CRACD: variants seen among roughly 807,000 people sequenced by gnomAD.
The protein encoded by CRACD is capping protein-inhibiting regulator of actin dynamics.
In CRACD, 56 loss-of-function variants were observed where a neutral mutation model predicts 106.8. The observed-to-expected ratio is 0.52, with a 90% CI of 0.42 to 0.66. CRACD has a LOEUF of 0.66. Ranked by LOEUF, CRACD falls within the 30% of genes least tolerant of loss-of-function variation. CRACD has a pLI of 0.00. For synonymous variants in CRACD, 754 were observed against 670.8 expected, an observed-to-expected ratio of 1.12 and a Z score of -1.92; for missense variants, 1,730 against 1,623.2, an observed-to-expected ratio of 1.07 and a Z score of -1.13.
intron 1 of CRACD, among the ~76,000 whole-genome samples, chr4:56,101,297 C>T (rs979144284): frequency 6.6e-6 from 1 of 152,084 alleles, no homozygotes; most frequent in African/African-American, 2.4e-5. Context: ...CAGATACAAA[C>T]AGCCACATTA....
intron 2 of CRACD, among the ~76,000 whole-genome samples, chr4:56,252,517 T>C (rs1271181725): frequency 1.3e-5 from 2 of 152,214 alleles, no homozygotes; most frequent in Non-Finnish European, 2.9e-5. Context: ...AAGGCTATAG[T>C]ATTGACTGTA....
chr4:56,287,460 T>A (rs531749729), intron 3 of CRACD, among the ~76,000 whole-genome samples: 9 of 152,216 alleles, frequency 5.9e-5, no homozygotes, highest in African/African-American at 2.2e-4. Context: ...TTTTTATATT[T>A]TTAGTAGAGG....
chr4:56,148,848 T>C (rs1170171535), intron 1 of CRACD, among the ~76,000 whole-genome samples: 1 of 150,940 alleles, frequency 6.6e-6, no homozygotes, highest in Non-Finnish European at 1.5e-5. Context: ...GGAGTTTCGC[T>C]CTTGTTGCCC....
intron 1 of CRACD, among the ~76,000 whole-genome samples, chr4:56,053,087 A>G (rs530052356): frequency 3.3e-5 from 5 of 152,308 alleles, no homozygotes; most frequent in African/African-American, 9.6e-5. Context: ...TTGAGCATCC[A>G]AAGGTTTAAT....
At chr4:56,060,845 A>G (rs1732245618) in intron 1 of CRACD, among the ~76,000 whole-genome samples, 1 of 152,198 alleles carries the variant, frequency 6.6e-6, no homozygotes, top group Non-Finnish European at 1.5e-5. Context: ...CCATTCAACC[A>G]TGTGGGACAC....
intron 8 of CRACD, among the ~76,000 whole-genome samples, chr4:56,320,155 A>AC (rs994466708): frequency 6.6e-6 from 1 of 151,808 alleles, no homozygotes; most frequent in Non-Finnish European, 1.5e-5. Flanking sequence ...CAAAAAAAAA[A>AC]AACAAACCTT....
Position 56,316,562 on chromosome 4 carries a change from C to G in CRACD, c.3060C>G (p.Gly1020=). The G allele has an allele frequency of 6.2e-7, 1 of 1,613,234 alleles. No individual in the cohort carries two copies. Among genetic ancestry groups the G allele is most frequent in the African/African-American group, 1.3e-5 (1 of 75,026 alleles). Residue 1020 remains glycine, a synonymous_variant, in exon 8 of 11, where the codon GGC becomes GGG. Coordinates refer to ENST00000682029, the MANE Select transcript of CRACD (RefSeq NM_001393381.1). ...ACCGCCGGCCACCCTCGCCCCCAGG[C>G]CCCGAGGAAAGGAAGGGACAGAAGA... ...SSDRRPPSPP[G]PEERKGQKRD... is the part of the protein sequence containing the mutation.
At chr4:56,099,541 G>T (rs1275473657) in intron 1 of CRACD, among the ~76,000 whole-genome samples, 1 of 152,154 alleles carries the variant, frequency 6.6e-6, no homozygotes, top group Admixed American at 6.5e-5. Flanking sequence ...GAAATGGCTG[G>T]TTTCCATGAT....
chr4:56,166,510 G>A lies in CRACD; in HGVS notation c.-335-12774G>A, dbSNP rs183816143. On this transcript the variant is annotated intron_variant, in intron 1 of 10. Coordinates refer to ENST00000682029, the MANE Select transcript of CRACD (RefSeq NM_001393381.1). ...AGCCTGCCCAACATGGTGAAACCCC[G>A]TCTCTACTAAAAATACAAAATTAGC... Among the ~76,000 whole-genome samples the A allele has an allele frequency of 1.2e-4, 18 of 151,796 alleles. No homozygotes were observed. In the East Asian group the frequency reaches 1.4e-3, roughly 12 times the overall value.
intron 1 of CRACD, among the ~76,000 whole-genome samples, chr4:56,057,984 A>C (rs544460602): frequency 4.1e-4 from 27 of 65,104 alleles, no homozygotes; most frequent in African/African-American, 6.6e-4. Flanking sequence ...ACGCCCAGCT[A>C]ATTTTTTGTA....
At chr4:56,307,165 G>T (rs143798004) in intron 4 of CRACD, among the ~76,000 whole-genome samples, 72 of 152,256 alleles carry the variant, frequency 4.7e-4, no homozygotes, top group African/African-American at 1.6e-3. Context: ...GCACTTTTAA[G>T]AGACTTTTTA....
intron 1 of CRACD, among the ~76,000 whole-genome samples, chr4:56,139,834 GA>G (rs1735132513): frequency 6.6e-6 from 1 of 151,818 alleles, no homozygotes; most frequent in South Asian, 2.1e-4. Context: ...AAATAAAAAG[GA>G]AAAAAATCCG....
At chr4:56,158,557 T>A (rs1238072589) in intron 1 of CRACD, among the ~76,000 whole-genome samples, 1 of 152,206 alleles carries the variant, frequency 6.6e-6, no homozygotes, top group Non-Finnish European at 1.5e-5. Flanking sequence ...TTTATGAGTA[T>A]TTTGTAGACG....
At chr4:56,053,215 A>T (rs1731933194) in intron 1 of CRACD, among the ~76,000 whole-genome samples, 1 of 152,234 alleles carries the variant, frequency 6.6e-6, no homozygotes, top group African/African-American at 2.4e-5. Flanking sequence ...AGAGTACTTC[A>T]TAGTGTATTG....
intron 1 of CRACD, among the ~76,000 whole-genome samples, chr4:56,083,917 C>A (rs775266570): frequency 6.6e-6 from 1 of 152,116 alleles, no homozygotes; most frequent in African/African-American, 2.4e-5. Flanking sequence ...GTCTAGGCTG[C>A]GGTGAGCTGT....
Position 56,314,732 on chromosome 4 carries a change from G to A in CRACD, c.1230G>A (p.Ala410=), listed in dbSNP as rs1469437683. The A allele has an allele frequency of 1.3e-6, 2 of 1,575,282 alleles. No individual in the cohort carries two copies. Among genetic ancestry groups the A allele is most frequent in the Non-Finnish European group, 1.7e-6 (2 of 1,161,130 alleles). ...GGGAAGAGGAGGAGGAGGGCCAGGC[G>A]CACCTGGAGGACTGGAGGGGGCAGC... ...DLGEEEEEGQ[A]HLEDWRGQLS... is the part of the protein sequence containing the mutation. Residue 410 remains alanine (A), a synonymous_variant, in exon 8 of 11, where the codon GCG becomes GCA. Transcript: ENST00000682029. This position sits in a 1 kb window ranked among gnomAD's most constrained non-coding sequence, Gnocchi z 4.4.
rs79364656 is a variant in CRACD at position 56,198,845 on chromosome 4, G to C, written c.-189+19415G>C. ...TAAGACCAAAGTATTAACGTTAGAGGGGGGACTAGTTTTCGTTTTGGTGAC... is the reference window on the plus strand; with the variant it reads ...TAAGACCAAAGTATTAACGTTAGAGCGGGGACTAGTTTTCGTTTTGGTGAC... On this transcript the variant is annotated intron_variant, in intron 2 of 10. Coordinates refer to ENST00000682029, the MANE Select transcript of CRACD (RefSeq NM_001393381.1). Among the ~76,000 whole-genome samples, 291 of 152,262 alleles carry C rather than the reference G, an allele frequency of 1.9e-3. 7 individuals carry two copies. The East Asian group carries it at 0.038, about 20-fold the overall frequency.
intron 1 of CRACD, among the ~76,000 whole-genome samples, chr4:56,134,558 G>C (rs1219554663): frequency 2.6e-5 from 4 of 152,120 alleles, no homozygotes; most frequent in African/African-American, 9.7e-5. Context: ...CAGAGTCTGG[G>C]TCATGCACCA....
At position 56,327,700 on chromosome 4, in the gene CRACD, T is replaced by C. The variant is rs1394069452; in HGVS notation, c.3598T>C (p.Phe1200Leu). Reference sequence around the variant, plus strand: ...GCTGGTAAAAGAAGTCACCAAGAGGTTTTCCACCCCGGATGCTGCCCCCGT... The same window carrying C: ...GCTGGTAAAAGAAGTCACCAAGAGGCTTTCCACCCCGGATGCTGCCCCCGT... ...APLVKEVTKR[F>L]STPDAAPVST... is the part of the protein sequence containing the mutation. The change falls in exon 11 of 11, where the codon TTT (phenylalanine) becomes CTT (leucine). Residue 1200 changes from phenylalanine to leucine, a missense_variant. Coordinates refer to ENST00000682029, the MANE Select transcript of CRACD (RefSeq NM_001393381.1). 6.2e-7 allele frequency: 1 copy of C among 1,613,820 alleles called. No individual in the cohort carries two copies. Among genetic ancestry groups the C allele is most frequent in the East Asian group, 2.2e-5 (1 of 44,852 alleles).
Sources: allele counts gnomAD v4.1 joint callset (sites outside exome capture counted in the v4.1 genomes callset), GRCh38; gene constraint gnomAD v4.1.1; non-coding constraint Gnocchi (gnomAD v3.1); transcripts MANE v1.5; gene names NCBI Gene and HGNC (gene_info 2026-07-23, HGNC 2026-07-21).